CNTNAP2: variants seen among roughly 807,000 people sequenced by gnomAD.
The protein encoded by CNTNAP2 is contactin associated protein 2, also known as contactin-associated protein-like 2.
CNTNAP2 carries 98 observed loss-of-function variants against 155.2 expected under a neutral mutation model. The ratio of observed to expected loss-of-function variants is 0.63; its 90% CI spans 0.54 to 0.75. The LOEUF (loss-of-function observed/expected upper bound fraction) is 0.75. Ranked by LOEUF, CNTNAP2 falls within the 30% of genes least tolerant of loss-of-function variation. The pLI is 0.00. For synonymous variants in CNTNAP2, 651 were observed against 631.2 expected, an observed-to-expected ratio of 1.03 and a Z score of -0.47; for missense variants, 1,727 against 1,688.1, an observed-to-expected ratio of 1.02 and a Z score of -0.40.
intron 1 of CNTNAP2, among the ~76,000 whole-genome samples, chr7:146,643,282 T>A: frequency 6.6e-6 from 1 of 151,742 alleles, no homozygotes. Context: ...CTAGGGTTTT[T>A]ATGGTTTTAG....
chr7:148,089,086 A>G (rs1464375883), intron 15 of CNTNAP2, among the ~76,000 whole-genome samples: 4 of 152,018 alleles, frequency 2.6e-5, no homozygotes, highest in Admixed American at 6.6e-5. Context: ...CAGAAAAGTC[A>G]TTTGACAAAA....
At chr7:147,181,840 C>A (rs1043424011) in intron 8 of CNTNAP2, among the ~76,000 whole-genome samples, 4 of 151,996 alleles carry the variant, frequency 2.6e-5, no homozygotes, top group African/African-American at 7.2e-5. Flanking sequence ...TCAAGAGTAA[C>A]TTCAGGCTGG....
At chr7:147,547,531 A>G (rs1309075631) in intron 11 of CNTNAP2, among the ~76,000 whole-genome samples, 2 of 152,136 alleles carry the variant, frequency 1.3e-5, no homozygotes, top group South Asian at 2.1e-4. Context: ...CCTTTGCCAG[A>G]ACAGTAGTAA....
chr7:147,415,682 A>G (rs1440577206), intron 10 of CNTNAP2, among the ~76,000 whole-genome samples: 1 of 152,214 alleles, frequency 6.6e-6, no homozygotes, highest in Non-Finnish European at 1.5e-5. Context: ...AAATGGACCA[A>G]TACACCAAGT....
At chr7:147,811,316 T>A (rs1798175608) in intron 13 of CNTNAP2, among the ~76,000 whole-genome samples, 1 of 152,146 alleles carries the variant, frequency 6.6e-6, no homozygotes. Context: ...CAGGCTGGTC[T>A]CGAACTCCTG....
chr7:146,929,452 C>G (rs1796695004), intron 3 of CNTNAP2, among the ~76,000 whole-genome samples: 1 of 152,130 alleles, frequency 6.6e-6, no homozygotes, highest in Non-Finnish European at 1.5e-5. Context: ...TCACCATCAT[C>G]AAAGACCAAA....
At chr7:146,381,020 G>A (rs868013032) in intron 1 of CNTNAP2, among the ~76,000 whole-genome samples, 1 of 151,086 alleles carries the variant, frequency 6.6e-6, no homozygotes, top group South Asian at 2.1e-4. Context: ...GGATGGTCTC[G>A]ATCTCCTGAC....
intron 3 of CNTNAP2, among the ~76,000 whole-genome samples, chr7:147,014,441 T>C (rs1268663311): frequency 6.6e-6 from 1 of 152,150 alleles, no homozygotes; most frequent in African/African-American, 2.4e-5. Context: ...TGGAAATGTT[T>C]AGTACATCAT....
chr7:147,039,171 T>A (rs571946359), intron 3 of CNTNAP2, among the ~76,000 whole-genome samples: 1 of 150,312 alleles, frequency 6.7e-6, no homozygotes, highest in South Asian at 2.1e-4. Context: ...CAGTATTGTA[T>A]GTGTAGGTAT....
chr7:146,362,030 C>G (rs940315518), intron 1 of CNTNAP2, among the ~76,000 whole-genome samples: 2 of 152,064 alleles, frequency 1.3e-5, no homozygotes, highest in African/African-American at 4.8e-5. Flanking sequence ...ATGCAGAAAA[C>G]TTTTACTCTC....
chr7:148,155,374 T>C (rs1378049672), intron 17 of CNTNAP2, among the ~76,000 whole-genome samples: 1 of 152,212 alleles, frequency 6.6e-6, no homozygotes, highest in East Asian at 1.9e-4. Flanking sequence ...TCGCCTCCAC[T>C]TCAGCTAAGG....
chr7:146,442,561 G>A (rs958090265), intron 1 of CNTNAP2, among the ~76,000 whole-genome samples: 1 of 151,606 alleles, frequency 6.6e-6, no homozygotes, highest in Admixed American at 6.6e-5. Flanking sequence ...CAAAAACTCT[G>A]TGTTGAATTG....
At chr7:146,368,567 G>A (rs1286502149) in intron 1 of CNTNAP2, among the ~76,000 whole-genome samples, 3 of 152,044 alleles carry the variant, frequency 2.0e-5, no homozygotes, top group African/African-American at 4.8e-5. Flanking sequence ...GTTACTCAGA[G>A]TTGCTGTTCC....
intron 8 of CNTNAP2, among the ~76,000 whole-genome samples, chr7:147,287,005 T>A (rs1460102811): frequency 6.6e-6 from 1 of 152,086 alleles, no homozygotes; most frequent in African/African-American, 2.4e-5. Context: ...GAAAAAAAAA[T>A]ATTCAGTGAC....
At chr7:147,430,104 C>T (rs1469812306) in intron 10 of CNTNAP2, among the ~76,000 whole-genome samples, 1 of 152,032 alleles carries the variant, frequency 6.6e-6, no homozygotes, top group Non-Finnish European at 1.5e-5. Flanking sequence ...TGCTAGATGT[C>T]AAAGCAGGAA....
At chr7:146,980,619 G>A (rs1462684213) in intron 3 of CNTNAP2, among the ~76,000 whole-genome samples, 2 of 152,136 alleles carry the variant, frequency 1.3e-5, no homozygotes, top group African/African-American at 4.8e-5. Flanking sequence ...AGTCATGGCA[G>A]AAGGGGAAGG....
At chr7:146,981,252 T>A (rs1014808884) in intron 3 of CNTNAP2, among the ~76,000 whole-genome samples, 8 of 152,198 alleles carry the variant, frequency 5.3e-5, no homozygotes, top group African/African-American at 1.9e-4. Flanking sequence ...TATAACTTAT[T>A]GGAAGAAATA....
chr7:147,578,418 T>C (rs1025272993), intron 12 of CNTNAP2, among the ~76,000 whole-genome samples: 1 of 152,124 alleles, frequency 6.6e-6, no homozygotes, highest in Non-Finnish European at 1.5e-5. Flanking sequence ...AATGAATTTT[T>C]GGTGCCGGTT....
chr7:146,544,691 A>G (rs1798003589), intron 1 of CNTNAP2, among the ~76,000 whole-genome samples: 1 of 151,906 alleles, frequency 6.6e-6, no homozygotes, highest in Non-Finnish European at 1.5e-5. Context: ...CAGGGCCTTT[A>G]TCACAAGAAG....
Sources: allele counts gnomAD v4.1 joint callset (sites outside exome capture counted in the v4.1 genomes callset), GRCh38; gene constraint gnomAD v4.1.1; transcripts MANE v1.5; gene names NCBI Gene and HGNC (gene_info 2026-07-23, HGNC 2026-07-21).